Variants in CFTR observed in about 807,000 individuals in gnomAD.
CFTR encodes the protein cystic fibrosis transmembrane conductance regulator.
In CFTR, 181 loss-of-function variants were observed where a neutral mutation model predicts 171.6. The ratio of observed to expected loss-of-function variants is 1.05; its 90% CI spans 0.93 to 1.19. The LOEUF (loss-of-function observed/expected upper bound fraction) is 1.19. Among genes scored for constraint, CFTR ranks in the 50% most tolerant of loss-of-function variants. The probability of loss-of-function intolerance (pLI) is 0.00; values close to 1 mark genes in which losing one functional copy is unlikely to be tolerated. For synonymous variants in CFTR, 583 were observed against 608.0 expected, an observed-to-expected ratio of 0.96 and a Z score of 0.60; for missense variants, 1,968 against 1,734.7, an observed-to-expected ratio of 1.13 and a Z score of -2.39.
At chr7:117,597,133 A>G (rs1227676442) in intron 15 of CFTR, among the ~76,000 whole-genome samples, 1 of 152,152 alleles carries the variant, frequency 6.6e-6, no homozygotes, top group Non-Finnish European at 1.5e-5. Flanking sequence ...CTTTGCAATA[A>G]ATTTTGCTAC....
chr7:117,657,379 A>G (rs1793199643), intron 24 of CFTR, among the ~76,000 whole-genome samples: 1 of 152,192 alleles, frequency 6.6e-6, no homozygotes, highest in Admixed American at 6.6e-5. Context: ...TAATGTCATG[A>G]GTGCTTTGAG....
Position 117,534,332 on chromosome 7 carries a change from T to A in CFTR, c.546T>A (p.Ser182Arg), listed in dbSNP as rs773374503. ...AAATAAGTATTGGACAACTTGTTAG[T>A]CTCCTTTCCAACAACCTGAACAAAT... ...LDKISIGQLV[S>R]LLSNNLNKFD... The change falls in exon 5 of 27, where the codon AGT (serine) becomes AGA (arginine). Residue 182 changes from serine to arginine, a missense_variant. Coordinates refer to ENST00000003084, the MANE Select transcript of CFTR (RefSeq NM_000492.4). 6.2e-7 allele frequency: 1 copy of A among 1,603,360 alleles called. No individual in the cohort carries two copies. The highest frequency in any genetic ancestry group is 8.5e-7 in the Non-Finnish European group (1 of 1,170,648).
rs1027753567 is a variant in CFTR, at chr7:117,536,460, T to C, written c.744-88T>C. 3.9e-6 allele frequency: 5 copies of C among 1,292,026 alleles called. No homozygotes were observed. The Admixed American group carries it at 6.0e-5, about 15-fold the overall frequency. The allele number at this position is 1,292,026 out of a possible 1,614,324, so 80.0% of individuals were successfully genotyped here. The stretch of plus-strand genomic sequence containing the variant: ...GCCCATCTGTTGAATAAAAGAAATA[T>C]GACTTAAAACCTTGAGCAGTTCTTA... On this transcript the variant is annotated intron_variant, in intron 6 of 26. Transcript: ENST00000003084.
In CFTR at chr7:117,480,135, A is replaced by T. The variant is rs772774651; in HGVS notation, c.41A>T (p.Lys14Ile). The change falls in exon 1 of 27, where the codon AAA (lysine) becomes ATA (isoleucine). Residue 14 changes from lysine to isoleucine, a missense_variant. Transcript: ENST00000003084. ...SPLEKASVVS[K>I]LFFSWTRPIL... is the part of the protein sequence containing the mutation. ...CTGGAAAAGGCCAGCGTTGTCTCCA[A>T]ACTTTTTTTCAGGTGAGAAGGTGGC... 2.0e-4 allele frequency: 324 copies of T among 1,613,746 alleles called. No individual in the cohort carries two copies. Among genetic ancestry groups the T allele is most frequent in the Non-Finnish European group, 2.7e-4 (319 of 1,179,850 alleles).
In CFTR at chr7:117,603,889, C is replaced by A. The variant is rs34812579; in HGVS notation, c.2908+107C>A. On this transcript the variant is annotated intron_variant, in intron 17 of 26. Coordinates refer to ENST00000003084, the MANE Select transcript of CFTR (RefSeq NM_000492.4). ...GCTGGCTTTTGCACAGAGGCATGTG[C>A]CCTTTGTTGAACCTCCATTTGACTG... The A allele has an allele frequency of 1.8e-3, 2,137 of 1,220,674 alleles. 31 individuals are homozygous for A. In the African/African-American group the frequency reaches 0.029, roughly 16 times the overall value. 75.6% of individuals were successfully genotyped at this position (1,220,674 alleles called of 1,614,324 possible).
intron 10 of CFTR, among the ~76,000 whole-genome samples, chr7:117,556,727 G>C (rs1420899899): frequency 1.3e-5 from 2 of 149,658 alleles, no homozygotes; most frequent in African/African-American, 4.9e-5. Context: ...CACCGTTTTA[G>C]CCGGGATGGT....
Position 117,642,443 on chromosome 7 carries a change from C to A in CFTR, c.3723C>A (p.Gly1241=), listed in dbSNP as rs185065886. Residue 1241 remains glycine, a synonymous_variant, in exon 23 of 27, where the codon GGC becomes GGA. Coordinates refer to ENST00000003084, the MANE Select transcript of CFTR (RefSeq NM_000492.4). ...SFSISPGQRV[G]LLGRTGSGKS... ...CCATCACTTTTACCTTATAGGTGGG[C>A]CTCTTGGGAAGAACTGGATCAGGGA... 1.8e-5 allele frequency: 29 copies of A among 1,613,354 alleles called. No homozygotes were observed. The East Asian group carries it at 6.2e-4, about 35-fold the overall frequency.
chr7:117,628,314 G>A (rs997296793), intron 22 of CFTR, among the ~76,000 whole-genome samples: 10 of 152,044 alleles, frequency 6.6e-5, no homozygotes, highest in African/African-American at 2.4e-4. Flanking sequence ...ATGGATCCCA[G>A]CACTGGGCTG....
intron 1 of CFTR, among the ~76,000 whole-genome samples, chr7:117,500,296 T>C (rs927386431): frequency 7.4e-6 from 1 of 135,556 alleles, no homozygotes; most frequent in Non-Finnish European, 1.6e-5. Context: ...TTTTTTTTTT[T>C]TTTTTTTGAG....
At chr7:117,595,140 CACAT>C in intron 15 of CFTR, 82 bp downstream of exon 15, 3 of 1,105,966 alleles carry the variant, frequency 2.7e-6, no homozygotes, top group Admixed American at 1.8e-5. Context: ...TATATGCACA[CACAT>C]AAATATGTAT....
rs758292940 is a variant in CFTR, at chr7:117,665,496, T to C, written c.4174T>C (p.Phe1392Leu). ...AATTAGAAGAACTCTAAAACAAGCATTTGCTGATTGCACAGTAATTCTCTG... is the reference window on the plus strand; with the variant it reads ...AATTAGAAGAACTCTAAAACAAGCACTTGCTGATTGCACAGTAATTCTCTG... ...QIIRRTLKQAFADCTVILCEH... is the reference protein window; with the variant it reads ...QIIRRTLKQALADCTVILCEH... The change falls in exon 26 of 27, where the codon TTT becomes CTT. Residue 1392 changes from phenylalanine (F) to leucine (L), a missense_variant. Physicochemically the swap from Phe to Leu is conservative, Grantham distance 22 (BLOSUM62 0). Coordinates refer to ENST00000003084, the MANE Select transcript of CFTR (RefSeq NM_000492.4). 1.2e-6 allele frequency: 2 copies of C among 1,613,038 alleles called. No individual in the cohort carries two copies. The highest frequency in any genetic ancestry group is 2.2e-5 in the East Asian group (1 of 44,768).
chr7:117,579,157 A>T (rs761059532), intron 11 of CFTR, among the ~76,000 whole-genome samples: 9 of 152,094 alleles, frequency 5.9e-5, no homozygotes, highest in Non-Finnish European at 1.0e-4. Flanking sequence ...TCTACTAAGA[A>T]ATTTATAAGA....
At position 117,668,051 on chromosome 7, in the gene CFTR, A is replaced by C. The variant is rs548356641; in HGVS notation, c.*943A>C. On this transcript the variant is annotated 3_prime_UTR_variant, in exon 27 of 27. Transcript: ENST00000003084. Reference sequence around the variant, plus strand: ...GGCCATGGGCACTGTGGGTAGACACACATGAAGTCCAAGCATTTAGATGTA... The same window carrying C: ...GGCCATGGGCACTGTGGGTAGACACCCATGAAGTCCAAGCATTTAGATGTA... 1 of 152,356 alleles carries C rather than the reference A, an allele frequency of 6.6e-6. No homozygotes were observed. The highest frequency in any genetic ancestry group is 2.1e-4 in the South Asian group (1 of 4,822). 9.4% of individuals were successfully genotyped at this position (152,356 alleles called of 1,614,324 possible). A position where few individuals can be genotyped will look rare whatever the true frequency, so the allele number is the denominator to read the frequency against.
At position 117,642,482 on chromosome 7, in the gene CFTR, A is replaced by G. The variant is rs768411899; in HGVS notation, c.3762A>G (p.Leu1254=). The G allele has an allele frequency of 1.2e-6, 2 of 1,613,594 alleles. No homozygotes were observed. The highest frequency in any genetic ancestry group is 2.7e-5 in the African/African-American group (2 of 74,916). The change falls in exon 23 of 27, where the codon TTA becomes TTG. Residue 1254 remains leucine (L), a synonymous_variant. Transcript: ENST00000003084. ...GRTGSGKSTL[L]SAFLRLLNTE... ...CTGGATCAGGGAAGAGTACTTTGTT[A>G]TCAGCTTTTTTGAGACTACTGAACA...
Position 117,480,618 on chromosome 7 carries a change from A to G in CFTR, c.53+471A>G, listed in dbSNP as rs1032640002. 1.6e-3 allele frequency among the ~76,000 whole-genome samples: 240 copies of G among 152,286 alleles called. 2 individuals are homozygous for G. Among genetic ancestry groups the G allele is most frequent in the African/African-American group, 5.6e-3 (234 of 41,556 alleles). Reference sequence around the variant, plus strand: ...ACAAAAATTTTGGGGTAGGTAGAAAATATATGCTTAAAGTATTTATTGTTA... The same window carrying G: ...ACAAAAATTTTGGGGTAGGTAGAAAGTATATGCTTAAAGTATTTATTGTTA... On this transcript the variant is annotated intron_variant, in intron 1 of 26. Transcript: ENST00000003084.
chr7:117,531,338 G>T (rs547390895), intron 4 of CFTR, among the ~76,000 whole-genome samples: 2 of 151,738 alleles, frequency 1.3e-5, no homozygotes, highest in South Asian at 2.1e-4. Flanking sequence ...AACTGCCTCT[G>T]TTGTAGTTTT....
At chr7:117,540,420 G>A (rs530399284) in intron 8 of CFTR, 74 bp downstream of exon 8, 16 of 1,388,760 alleles carry the variant, frequency 1.2e-5, no homozygotes, top group Non-Finnish European at 1.6e-5. Context: ...AATGAACTTT[G>A]CAAAAATGTG....
At chr7:117,524,486 T>C (rs1222388330) in intron 3 of CFTR, among the ~76,000 whole-genome samples, 1 of 152,170 alleles carries the variant, frequency 6.6e-6, no homozygotes, top group Non-Finnish European at 1.5e-5. Flanking sequence ...GGGTAAAATA[T>C]TGATCTAAAA....
intron 5 of CFTR, 88 bp downstream of exon 5, chr7:117,534,453 T>C (rs1383580066): frequency 1.3e-6 from 1 of 755,500 alleles, no homozygotes; most frequent in East Asian, 2.6e-5. Context: ...CAGATAATAG[T>C]AATTAGTGGT....
Sources: allele counts gnomAD v4.1 joint callset (sites outside exome capture counted in the v4.1 genomes callset), GRCh38; gene constraint gnomAD v4.1.1; transcripts MANE v1.5; gene names NCBI Gene and HGNC (gene_info 2026-07-23, HGNC 2026-07-21).